The following ZFYVE9 variants were observed in gnomAD, a reference collection of about 807,000 sequenced individuals.
The protein encoded by ZFYVE9 is zinc finger FYVE domain-containing protein 9.
In ZFYVE9, 43 loss-of-function variants were observed where a neutral mutation model predicts 126.7. That is an observed-to-expected ratio of 0.34 (90% CI 0.27 to 0.44). ZFYVE9 has a LOEUF of 0.44. Ranked by LOEUF, ZFYVE9 falls within the 20% of genes least tolerant of loss-of-function variation. The pLI is 1.00. For synonymous variants in ZFYVE9, 521 were observed against 597.4 expected (o/e 0.87, Z 1.87); for missense variants, 1,476 against 1,697.0 (o/e 0.87, Z 2.29).
intron 1 of ZFYVE9, among the ~76,000 whole-genome samples, chr1:52,170,267 C>T (rs1433906866): frequency 6.6e-6 from 1 of 152,050 alleles, no homozygotes; most frequent in Non-Finnish European, 1.5e-5. Context: ...TATAGTTTTT[C>T]ATAGTAGCCA....
intron 12 of ZFYVE9, among the ~76,000 whole-genome samples, chr1:52,296,768 T>A (rs1291798304): frequency 6.6e-6 from 1 of 152,132 alleles, no homozygotes; most frequent in Non-Finnish European, 1.5e-5. Context: ...TTTGACAATG[T>A]TCCATAGCAA....
At chr1:52,160,242 TTTATTTTTCTC>T in intron 1 of ZFYVE9, 1 of 846,490 alleles carries the variant, frequency 1.2e-6, no homozygotes, top group Admixed American at 1.7e-5. Flanking sequence ...CAGGATGGAC[TTTATTTTTCTC>T]TTTTCAATTA....
chr1:52,226,746 G>T (rs1182065931), intron 2 of ZFYVE9, among the ~76,000 whole-genome samples: 3 of 152,190 alleles, frequency 2.0e-5, no homozygotes, highest in Non-Finnish European at 4.4e-5. Context: ...ATGAACATTG[G>T]TTCTGTCCGG....
intron 7 of ZFYVE9, among the ~76,000 whole-genome samples, chr1:52,273,818 C>CAAAA (rs61193193): frequency 4.0e-5 from 3 of 75,574 alleles, no homozygotes; most frequent in African/African-American, 7.9e-5. Context: ...GACTCCTTCT[C>CAAAA]AAAAAAAAAA....
intron 7 of ZFYVE9, among the ~76,000 whole-genome samples, chr1:52,273,348 T>C (rs982956141): frequency 2.0e-5 from 3 of 152,152 alleles, no homozygotes; most frequent in African/African-American, 7.2e-5. Context: ...GTTTAAGTTA[T>C]AGAGAATATA....
Position 52,238,498 on chromosome 1 carries a change from T to G in ZFYVE9, c.1081T>G (p.Cys361Gly). 1 of 1,614,096 alleles carries G rather than the reference T, an allele frequency of 6.2e-7. No individual in the cohort carries two copies. Among genetic ancestry groups the G allele is most frequent in the East Asian group, 2.2e-5 (1 of 44,886 alleles). The stretch of plus-strand genomic sequence containing the variant: ...TAATGACTGTGAACGGTGTTCAGAT[T>G]GCCTTGTGCCTAATGAAGTTAGGGC... ...RNNDCERCSDCLVPNEVRADE... is the reference protein window; with the variant it reads ...RNNDCERCSDGLVPNEVRADE... Residue 361 changes from cysteine to glycine, a missense_variant, in exon 4 of 19, where the codon TGC becomes GGC. Around this residue, in one of 2 missense-constraint regions of ZFYVE9, gnomAD observed 807 missense variants for 794.6 expected, o/e 1.02. Coordinates refer to ENST00000287727, the MANE Select transcript of ZFYVE9 (RefSeq NM_004799.4).
intron 13 of ZFYVE9, among the ~76,000 whole-genome samples, chr1:52,308,415 G>A (rs1293229206): frequency 6.6e-6 from 1 of 152,012 alleles, no homozygotes; most frequent in Non-Finnish European, 1.5e-5. Context: ...CTGAACTCCT[G>A]GGCTTAAGTG....
intron 1 of ZFYVE9, among the ~76,000 whole-genome samples, chr1:52,191,215 C>T (rs1644814092): frequency 6.6e-6 from 1 of 152,188 alleles, no homozygotes; most frequent in Non-Finnish European, 1.5e-5. Context: ...GCTGGAATTA[C>T]AGGCGTGAGC....
intron 1 of ZFYVE9, among the ~76,000 whole-genome samples, chr1:52,169,040 G>C (rs987371313): frequency 2.6e-5 from 4 of 151,964 alleles, no homozygotes; most frequent in African/African-American, 7.3e-5. Flanking sequence ...TGAATTCCCA[G>C]ATTGCTCCCT....
At chr1:52,156,221 A>G (rs538759851) in intron 1 of ZFYVE9, among the ~76,000 whole-genome samples, 1 of 152,332 alleles carries the variant, frequency 6.6e-6, no homozygotes, top group Admixed American at 6.5e-5. Context: ...TGCCATATAA[A>G]TGGCTGCATG....
intron 7 of ZFYVE9, 73 bp downstream of exon 7, chr1:52,268,705 T>C (rs1402557871): frequency 7.2e-6 from 11 of 1,524,466 alleles, no homozygotes; most frequent in African/African-American, 1.4e-5. Flanking sequence ...GTTGAATTAC[T>C]TTTGTGTGGA....
intron 4 of ZFYVE9, among the ~76,000 whole-genome samples, chr1:52,261,405 G>A (rs1479052870): frequency 6.6e-6 from 1 of 151,766 alleles, no homozygotes; most frequent in African/African-American, 2.4e-5. Flanking sequence ...GCCCAGCCTT[G>A]TGTTATTATT....
chr1:52,321,324 G>A (rs988571924), intron 13 of ZFYVE9, among the ~76,000 whole-genome samples: 6 of 152,238 alleles, frequency 3.9e-5, no homozygotes, highest in African/African-American at 1.4e-4. Context: ...TGGCCTTCAA[G>A]GAATACATTT....
chr1:52,184,895 C>G (rs1644750327), intron 1 of ZFYVE9, among the ~76,000 whole-genome samples: 1 of 152,106 alleles, frequency 6.6e-6, no homozygotes, highest in South Asian at 2.1e-4. Flanking sequence ...TGGCTCATGC[C>G]TGTAATCCCA....
intron 1 of ZFYVE9, among the ~76,000 whole-genome samples, chr1:52,154,058 T>C (rs1001228789): frequency 6.6e-6 from 1 of 152,260 alleles, no homozygotes; most frequent in Non-Finnish European, 1.5e-5. Context: ...ATATAACTAC[T>C]GGAGCTTATG....
At chr1:52,296,831 T>C (rs1361692796) in intron 12 of ZFYVE9, among the ~76,000 whole-genome samples, 2 of 152,172 alleles carry the variant, frequency 1.3e-5, no homozygotes, top group Non-Finnish European at 2.9e-5. Flanking sequence ...TGTTTTATTT[T>C]GTTTGAGACA....
intron 1 of ZFYVE9, among the ~76,000 whole-genome samples, chr1:52,149,517 A>T (rs12035871): frequency 0.064 from 9,759 of 152,316 alleles, 872 homozygotes; most frequent in African/African-American, 0.19. Flanking sequence ...GCAGTCAGGC[A>T]TGACAGATTT....
At chr1:52,173,825 A>G (rs1005599842) in intron 1 of ZFYVE9, among the ~76,000 whole-genome samples, 5 of 152,144 alleles carry the variant, frequency 3.3e-5, no homozygotes, top group Non-Finnish European at 7.3e-5. Context: ...GGTAGTTTGT[A>G]TTCCTGTGAG....
At chr1:52,171,165 C>A (rs1460130808) in intron 1 of ZFYVE9, among the ~76,000 whole-genome samples, 1 of 151,804 alleles carries the variant, frequency 6.6e-6, no homozygotes, top group African/African-American at 2.4e-5. Context: ...CCCCACCCCA[C>A]AACAGTCCCC....
Sources: gnomAD v4.1 joint callset for allele counts (sites outside exome capture counted in the v4.1 genomes callset) on GRCh38, gnomAD v4.1.1 for gene constraint, gnomAD v4.1.1 regional missense constraint, MANE v1.5 for transcripts, NCBI Gene and HGNC (gene_info 2026-07-23, HGNC 2026-07-21) for gene names.